The following SPATA1 variants were observed in gnomAD, a reference collection of about 807,000 sequenced individuals.
The protein encoded by SPATA1 is spermatogenesis associated 1, also known as spermatogenesis-associated protein 1.
Under a neutral mutation model 59.6 loss-of-function variants are expected in SPATA1, and 57 were observed. The ratio of observed to expected loss-of-function variants is 0.96; its 90% confidence interval spans 0.77 to 1.19. The LOEUF (loss-of-function observed/expected upper bound fraction) is 1.19, where lower values mean the gene tolerates loss of function less well. SPATA1 is among the 50% of genes most tolerant of loss of function. The pLI is 0.00. For synonymous variants in SPATA1, 147 were observed against 163.9 expected, an observed-to-expected ratio of 0.90 and a Z score of 0.79; for missense variants, 448 against 480.7, an observed-to-expected ratio of 0.93 and a Z score of 0.64.
intron 3 of SPATA1, 56 bp from the exon 4 acceptor site, chr1:84,522,334 A>T: frequency 1.0e-6 from 1 of 977,064 alleles, no homozygotes; most frequent in Non-Finnish European, 1.4e-6. Context: ...TTGAATCATT[A>T]GTATATCCAA....
At chr1:84,561,400 T>C (rs1324581807) in intron 4 of SPATA1, among the ~76,000 whole-genome samples, 1 of 152,244 alleles carries the variant, frequency 6.6e-6, no homozygotes, top group Non-Finnish European at 1.5e-5. Flanking sequence ...CTACTTCTTA[T>C]GAATACGCAA....
intron 4 of SPATA1, 28 bp from the exon 5 acceptor site, chr1:84,525,668 T>C (rs1343184881): frequency 6.5e-7 from 1 of 1,548,934 alleles, no homozygotes; most frequent in Non-Finnish European, 8.7e-7. Flanking sequence ...GCAAAAGCTT[T>C]AATTTTTTTC....
chr1:84,532,350 G>A (rs1041932373), intron 6 of SPATA1, among the ~76,000 whole-genome samples: 2 of 152,144 alleles, frequency 1.3e-5, no homozygotes, highest in African/African-American at 4.8e-5. Context: ...ACAAAAATTC[G>A]CTGGGCGTGG....
intron 3 of SPATA1, among the ~76,000 whole-genome samples, chr1:84,521,449 TG>T (rs1288635348): frequency 6.6e-6 from 1 of 152,226 alleles, no homozygotes; most frequent in Non-Finnish European, 1.5e-5. Flanking sequence ...CTTTCTGTTC[TG>T]GAACACATAG....
intron 9 of SPATA1, among the ~76,000 whole-genome samples, chr1:84,544,780 C>G (rs748255578): frequency 7.2e-5 from 11 of 151,736 alleles, no homozygotes; most frequent in African/African-American, 2.7e-4. Context: ...AGGGTGGTCT[C>G]AAACTCCTGG....
At chr1:84,557,929 A>G (rs1250880089), downstream of SPATA1, among the ~76,000 whole-genome samples, 3 of 152,102 alleles carry the variant, frequency 2.0e-5, no homozygotes, top group Non-Finnish European at 4.4e-5. Flanking sequence ...ATGGCCTTCA[A>G]TGCGCACCAA....
At chr1:84,554,952 T>C, downstream of SPATA1, 2 of 1,491,368 alleles carry the variant, frequency 1.3e-6, no homozygotes, top group Non-Finnish European at 1.9e-6. Context: ...ACTAGATCTG[T>C]TGATACAGAT....
downstream of SPATA1, chr1:84,554,847 A>AT: frequency 1.6e-6 from 1 of 629,138 alleles, no homozygotes; most frequent in Non-Finnish European, 2.6e-6. Flanking sequence ...ATTCGTGTGT[A>AT]TTTTTCAAAT....
At chr1:84,520,217 G>A (rs955615769) in intron 2 of SPATA1, 1 of 178,630 alleles carries the variant, frequency 5.6e-6, no homozygotes, top group Non-Finnish European at 1.2e-5. Flanking sequence ...ATTCCACAGG[G>A]GATCACCCCA....
chr1:84,514,434 A>G (rs987335668), intron 1 of SPATA1, among the ~76,000 whole-genome samples: 6 of 152,206 alleles, frequency 3.9e-5, no homozygotes, highest in East Asian at 1.9e-4. Context: ...GATTTTTTCA[A>G]ATTTTGGGAT....
intron 1 of SPATA1, among the ~76,000 whole-genome samples, chr1:84,507,637 C>T (rs927971221): frequency 6.6e-6 from 1 of 152,288 alleles, no homozygotes; most frequent in African/African-American, 2.4e-5. Flanking sequence ...CTGTATAATG[C>T]TAAAACGTCA....
intron 1 of SPATA1, among the ~76,000 whole-genome samples, chr1:84,510,741 A>G (rs536916204): frequency 1.4e-4 from 21 of 152,252 alleles, no homozygotes; most frequent in Non-Finnish European, 2.9e-4. Context: ...ACAATAGCCA[A>G]GATTTAAAAG....
In SPATA1 at chr1:84,514,155, T is replaced by A. The variant is rs145146498; in HGVS notation, c.-137-2068T>A. ...CCACCACGCCCGGCTCTCTTTTCTA[T>A]ATTCTTATTAGTAATGTCTACTGAT... is the stretch of plus-strand genomic sequence containing the variant. On this transcript the variant is annotated intron_variant, in intron 1 of 12. Coordinates refer to ENST00000490879, the Ensembl canonical transcript of SPATA1. Among the ~76,000 whole-genome samples the A allele has an allele frequency of 1.1e-3, 174 of 152,142 alleles. 1 individual carries two copies. The highest frequency in any genetic ancestry group is 3.9e-3 in the African/African-American group (161 of 41,534).
At chr1:84,536,188 A>C (rs1683671041) in intron 8 of SPATA1, among the ~76,000 whole-genome samples, 1 of 152,270 alleles carries the variant, frequency 6.6e-6, no homozygotes, top group African/African-American at 2.4e-5. Context: ...CAGAGCAGGA[A>C]TGAAAGAATA....
At chr1:84,545,695 T>G in exon 10 of SPATA1, 3 of 1,539,088 alleles carry the variant, frequency 1.9e-6, no homozygotes, top group Non-Finnish European at 2.6e-6. Flanking sequence ...TGGAAAGAAA[T>G]AGAGAAGAAC....
At chr1:84,559,863 T>A (rs570357429) in intron 4 of SPATA1, among the ~76,000 whole-genome samples, 1 of 151,960 alleles carries the variant, frequency 6.6e-6, no homozygotes, top group Non-Finnish European at 1.5e-5. Flanking sequence ...GGTAGGCGGA[T>A]CACTTGAGGT....
At chr1:84,531,053 G>A (rs1683444212) in intron 6 of SPATA1, among the ~76,000 whole-genome samples, 1 of 152,116 alleles carries the variant, frequency 6.6e-6, no homozygotes, top group Admixed American at 6.5e-5. Flanking sequence ...TTCTTTTTAT[G>A]GGTGGGTAGG....
chr1:84,558,359 G>C (rs373698274), downstream of SPATA1, among the ~76,000 whole-genome samples: 139 of 150,204 alleles, frequency 9.3e-4, no homozygotes, highest in East Asian at 0.021. Context: ...GCGGGATCTC[G>C]GCTCACTGCA....
At chr1:84,557,175 T>C (rs1684459984), downstream of SPATA1, among the ~76,000 whole-genome samples, 1 of 152,234 alleles carries the variant, frequency 6.6e-6, no homozygotes, top group Non-Finnish European at 1.5e-5. Flanking sequence ...AACAGCCCAA[T>C]AGAGTGATTC....
Sources: allele counts gnomAD v4.1 joint callset (sites outside exome capture counted in the v4.1 genomes callset), GRCh38; gene constraint gnomAD v4.1.1; transcripts MANE v1.5; gene names NCBI Gene and HGNC (gene_info 2026-07-23, HGNC 2026-07-21).